RBM26: variants seen among roughly 807,000 people sequenced by gnomAD.
RBM26 encodes the protein RNA binding motif protein 26.
A neutral mutation model predicts 123.6 loss-of-function variants in RBM26; 30 were observed. That is an observed-to-expected ratio of 0.24 (90% CI 0.18 to 0.33). The LOEUF (loss-of-function observed/expected upper bound fraction) is 0.33. Ranked by LOEUF, RBM26 falls within the 10% of genes least tolerant of loss-of-function variation. The probability of loss-of-function intolerance (pLI) is 1.00; values close to 1 mark genes in which losing one functional copy is unlikely to be tolerated. For missense variants in RBM26, 947 were observed against 1,203.6 expected (o/e 0.79, Z 3.15); for synonymous variants, 400 against 404.4 (o/e 0.99, Z 0.13).
intron 14 of RBM26, among the ~76,000 whole-genome samples, chr13:79,350,188 G>C (rs1375580368): frequency 6.6e-6 from 1 of 152,144 alleles, no homozygotes; most frequent in Non-Finnish European, 1.5e-5. Flanking sequence ...CCATGGTATA[G>C]ATGTTAATAT....
chr13:79,400,343 C>G (rs1267662323), intron 1 of RBM26, among the ~76,000 whole-genome samples: 1 of 152,130 alleles, frequency 6.6e-6, no homozygotes, highest in Non-Finnish European at 1.5e-5. Context: ...AATTCTGATT[C>G]CAAGATAGAC....
At chr13:79,312,983 C>G (rs1006730145) in exon 5 of RBM26, 1 of 151,676 alleles carries the variant, frequency 6.6e-6, no homozygotes, top group African/African-American at 2.4e-5. Context: ...TTCAGTTGAT[C>G]TGTATTTTGA....
At chr13:79,376,766 G>A (rs1017245472) in intron 3 of RBM26, 1 of 152,226 alleles carries the variant, frequency 6.6e-6, no homozygotes, top group African/African-American at 2.4e-5. Flanking sequence ...CTCTATGTCT[G>A]TAAGATATTG....
At chr13:79,356,375 A>AC (rs2073995835) in intron 11 of RBM26, among the ~76,000 whole-genome samples, 1 of 99,510 alleles carries the variant, frequency 1.0e-5, no homozygotes, top group South Asian at 3.5e-4. Context: ...GTCTCAAAAA[A>AC]AAAAAAAAAC....
intron 18 of RBM26, among the ~76,000 whole-genome samples, chr13:79,337,712 T>A (rs922061646): frequency 1.3e-5 from 2 of 152,240 alleles, no homozygotes; most frequent in Non-Finnish European, 2.9e-5. Context: ...TGTTTGCCAA[T>A]TGACTTCAAT....
chr13:79,354,515 T>C lies in RBM26; in HGVS notation c.1910A>G (p.Lys637Arg), dbSNP rs1465408768. Residue 637 changes from lysine to arginine, a missense_variant, in exon 13 of 22, where the codon AAA becomes AGA. This residue lies in a region of RBM26 where 493 missense variants were observed against 563.1 expected (regional missense o/e 0.88). Coordinates refer to ENST00000438737, the MANE Select transcript of RBM26 (RefSeq NM_001366735.2). ...TGAAGGTACTGGACCCAGCCGCTCT[T>C]TGACTGACTGCTTCACAACAGGCAA... ...PILPVVKQSV[K>R]ERLGPVPSST... 5 of 1,609,628 alleles carry C rather than the reference T, an allele frequency of 3.1e-6. No individual in the cohort carries two copies. Among genetic ancestry groups the C allele is most frequent in the Middle Eastern group, 1.6e-4 (1 of 6,062 alleles).
At chr13:79,335,611 T>A (rs2070219859) in intron 19 of RBM26, among the ~76,000 whole-genome samples, 1 of 152,138 alleles carries the variant, frequency 6.6e-6, no homozygotes, top group Non-Finnish European at 1.5e-5. Context: ...AAACTTCAAC[T>A]AAACCTGTGC....
At chr13:79,399,121 T>C (rs2078844803) in intron 1 of RBM26, among the ~76,000 whole-genome samples, 1 of 152,114 alleles carries the variant, frequency 6.6e-6, no homozygotes, top group Non-Finnish European at 1.5e-5. Context: ...GGAGTCATGG[T>C]GGGAGGAGTC....
chr13:79,338,105 G>C (rs905721936), intron 18 of RBM26, among the ~76,000 whole-genome samples: 1 of 152,096 alleles, frequency 6.6e-6, no homozygotes, highest in African/African-American at 2.4e-5. Flanking sequence ...CCAGCTACTC[G>C]GGAGGCTGAG....
intron 1 of RBM26, among the ~76,000 whole-genome samples, chr13:79,391,298 G>A (rs1018974599): frequency 6.6e-6 from 1 of 152,268 alleles, no homozygotes; most frequent in South Asian, 2.1e-4. Flanking sequence ...GATAGCTTTC[G>A]CTATAATATC....
chr13:79,384,722 AAATC>A (rs1235085325), intron 1 of RBM26, among the ~76,000 whole-genome samples: 2 of 152,176 alleles, frequency 1.3e-5, no homozygotes, highest in Non-Finnish European at 2.9e-5. Flanking sequence ...TTAATACAGA[AAATC>A]AAATGTTATA....
intron 7 of RBM26, 127 bp downstream of exon 7, chr13:79,366,506 C>T: frequency 1.0e-6 from 1 of 964,340 alleles, no homozygotes; most frequent in Non-Finnish European, 1.5e-6. Context: ...TGGAAGTATA[C>T]TGCTATTAAT....
At chr13:79,359,766 G>T in intron 9 of RBM26, 80 bp from the exon 10 acceptor site, 1 of 519,620 alleles carries the variant, frequency 1.9e-6, no homozygotes, top group Non-Finnish European at 3.1e-6. Flanking sequence ...TCCTCATACA[G>T]GAAAATTTCT....
chr13:79,320,399 T>C lies in RBM26; in HGVS notation c.*222A>G. On this transcript the variant is annotated 3_prime_UTR_variant, in exon 22 of 22. Transcript: ENST00000438737. ...GTAATAAAAACATTGCATATGTTTCTAGTGTGATGTCTTTAGCAATTGTTT... is the reference window on the plus strand; with the variant it reads ...GTAATAAAAACATTGCATATGTTTCCAGTGTGATGTCTTTAGCAATTGTTT... 1.7e-6 allele frequency: 2 copies of C among 1,173,256 alleles called. No homozygotes were observed. The highest frequency in any genetic ancestry group is 1.1e-6 in the Non-Finnish European group (1 of 946,542). The allele number at this position is 1,173,256 out of a possible 1,614,324, so 72.7% of individuals were successfully genotyped here.
At chr13:79,378,970 A>G (rs1307181567) in intron 1 of RBM26, 63 bp from the exon 2 acceptor site, 15 of 998,672 alleles carry the variant, frequency 1.5e-5, no homozygotes. Context: ...AATTCCAGTT[A>G]CAAACTGAAT....
chr13:79,363,117 T>C (rs186996636), intron 9 of RBM26, among the ~76,000 whole-genome samples: 400 of 152,272 alleles, frequency 2.6e-3, no homozygotes, highest in Middle Eastern at 0.01. Flanking sequence ...TCAGGGCCTC[T>C]AGGTAACTTT....
At chr13:79,336,370 T>C (rs1210529431) in intron 19 of RBM26, among the ~76,000 whole-genome samples, 1 of 152,162 alleles carries the variant, frequency 6.6e-6, no homozygotes, top group African/African-American at 2.4e-5. Flanking sequence ...GCCTTGAGGA[T>C]AAAGAACTGA....
At chr13:79,375,081 T>TATAAATATATATTTATATATA (rs1555332795) in intron 3 of RBM26, among the ~76,000 whole-genome samples, 2 of 104,368 alleles carry the variant, frequency 1.9e-5, no homozygotes, top group Admixed American at 1.2e-4. Context: ...TTATATGATA[T>TATAAATATATATTTATATATA]ATATAAATAT....
chr13:79,351,651 T>A (rs2073250189), intron 14 of RBM26, among the ~76,000 whole-genome samples: 1 of 150,474 alleles, frequency 6.6e-6, no homozygotes, highest in African/African-American at 2.5e-5. Context: ...AAAAATAAAA[T>A]AAAATAATAA....
Sources: allele counts gnomAD v4.1 joint callset (sites outside exome capture counted in the v4.1 genomes callset), GRCh38; gene constraint gnomAD v4.1.1; regional missense constraint gnomAD v4.1.1; transcripts MANE v1.5; gene names NCBI Gene and HGNC (gene_info 2026-07-23, HGNC 2026-07-21).